The following ARHGAP22 variants were observed in gnomAD, a reference collection of about 807,000 sequenced individuals.
ARHGAP22 encodes rho GTPase-activating protein 22.
Under a neutral mutation model 59.1 loss-of-function variants are expected in ARHGAP22, and 48 were observed. That is an observed-to-expected ratio of 0.81 (90% CI 0.64 to 1.03). The LOEUF (loss-of-function observed/expected upper bound fraction) is 1.03, where lower values mean the gene tolerates loss of function less well. Ranked by LOEUF, ARHGAP22 falls within the 50% of genes least tolerant of loss-of-function variation. ARHGAP22 has a pLI of 0.00. For missense variants in ARHGAP22, 1,015 were observed against 958.7 expected (o/e 1.06, Z -0.78); for synonymous variants, 445 against 416.4 (o/e 1.07, Z -0.84).
chr10:48,654,774 CTTTCTTTCTT>C (rs1312557905), upstream of ARHGAP22, among the ~76,000 whole-genome samples: 67 of 42,748 alleles, frequency 1.6e-3, no homozygotes, highest in African/African-American at 6.4e-3. Flanking sequence ...ATGCTGATTA[CTTTCTTTCTT>C]TCTTTCTTTC....
intron 5 of ARHGAP22, among the ~76,000 whole-genome samples, chr10:48,457,648 C>T (rs12247352): frequency 0.021 from 3,238 of 152,268 alleles, 130 homozygotes; most frequent in African/African-American, 0.074. Context: ...AGCCCAGTGC[C>T]CAGGGGACAC....
At chr10:48,560,444 G>T (rs2057613453) in intron 2 of ARHGAP22, among the ~76,000 whole-genome samples, 1 of 152,020 alleles carries the variant, frequency 6.6e-6, no homozygotes, top group Non-Finnish European at 1.5e-5. Flanking sequence ...AATTATGTTG[G>T]GTATGGATAC....
intron 1 of ARHGAP22, among the ~76,000 whole-genome samples, chr10:48,592,220 TA>T: frequency 6.6e-6 from 1 of 152,150 alleles, no homozygotes; most frequent in Non-Finnish European, 1.5e-5. Context: ...GTCTCACCAC[TA>T]CATTGCCTAG....
At chr10:48,526,708 G>T (rs1180169510) in intron 3 of ARHGAP22, among the ~76,000 whole-genome samples, 1 of 152,186 alleles carries the variant, frequency 6.6e-6, no homozygotes, top group African/African-American at 2.4e-5. Flanking sequence ...ATTGTGGGCC[G>T]CTTGTTTATC....
At chr10:48,575,130 G>A (rs1900023) in intron 2 of ARHGAP22, 61,449 of 152,016 alleles carry the variant, frequency 0.4, 14,192 homozygotes, top group East Asian at 0.89. Flanking sequence ...CTCTGGCCAT[G>A]TGACATGACT....
chr10:48,530,507 G>A (rs2054737260), intron 3 of ARHGAP22, among the ~76,000 whole-genome samples: 2 of 152,152 alleles, frequency 1.3e-5, no homozygotes. Flanking sequence ...GAAAATCTTT[G>A]TGATCTTTAC....
At chr10:48,455,193 G>A in intron 5 of ARHGAP22, 59 bp from the exon 6 acceptor site, 2 of 1,539,774 alleles carry the variant, frequency 1.3e-6, no homozygotes, top group Non-Finnish European at 8.8e-7. Flanking sequence ...CTTCAGGGGT[G>A]ACTGGTACGC....
At chr10:48,531,127 T>TGC (rs2054805422) in intron 3 of ARHGAP22, among the ~76,000 whole-genome samples, 2 of 152,326 alleles carry the variant, frequency 1.3e-5, no homozygotes, top group Admixed American at 1.3e-4. Context: ...TGCAGCAACT[T>TGC]AGATGGGACT....
intron 3 of ARHGAP22, among the ~76,000 whole-genome samples, chr10:48,493,261 C>G (rs2050585998): frequency 6.6e-6 from 1 of 152,216 alleles, no homozygotes; most frequent in African/African-American, 2.4e-5. Context: ...CGGCCTCACC[C>G]TGCCAGATGT....
chr10:48,439,184 A>C, the ARHGAP22 span: 1 of 151,316 alleles, frequency 6.6e-6, no homozygotes. Context: ...CCTTTCCTCT[A>C]GACAAAACAA....
intron 3 of ARHGAP22, among the ~76,000 whole-genome samples, chr10:48,521,017 T>A (rs781046444): frequency 7.2e-5 from 11 of 152,070 alleles, no homozygotes; most frequent in Non-Finnish European, 1.3e-4. Flanking sequence ...CACAGAGCTC[T>A]AAATACAGAT....
At chr10:48,634,876 T>A (rs1000102419) in intron 1 of ARHGAP22, among the ~76,000 whole-genome samples, 1 of 152,122 alleles carries the variant, frequency 6.6e-6, no homozygotes, top group Non-Finnish European at 1.5e-5. Flanking sequence ...CTAGAGTTCT[T>A]ATAAGCAGAG....
intron 1 of ARHGAP22, among the ~76,000 whole-genome samples, chr10:48,613,662 G>A (rs1473276302): frequency 6.7e-6 from 1 of 148,572 alleles, no homozygotes; most frequent in African/African-American, 2.5e-5. Flanking sequence ...ATAGACCACT[G>A]AGAAGAATGT....
At chr10:48,470,466 T>A (rs1731082008) in intron 4 of ARHGAP22, among the ~76,000 whole-genome samples, 1 of 152,190 alleles carries the variant, frequency 6.6e-6, no homozygotes, top group Non-Finnish European at 1.5e-5. Context: ...GTTCTCAGGC[T>A]CCTGGGGCTC....
downstream of ARHGAP22, among the ~76,000 whole-genome samples, chr10:48,441,187 TTTGC>T (rs1376259776): frequency 6.6e-6 from 1 of 152,166 alleles, no homozygotes; most frequent in Non-Finnish European, 1.5e-5. Context: ...GTCTGTGTTG[TTTGC>T]TTGTATGGCC....
In ARHGAP22 at chr10:48,560,789, G is replaced by A. The variant is rs138095416; in HGVS notation, c.235-5239C>T. On this transcript the variant is annotated intron_variant, in intron 2 of 9. Coordinates refer to ENST00000249601, the MANE Select transcript of ARHGAP22 (RefSeq NM_021226.4). ...TTTCTCTTTCTTCATTTATTAATAT[G>A]ATGAATTACATTAATAATTTTCAAA... is the stretch of plus-strand genomic sequence containing the variant. 4.5e-3 allele frequency among the ~76,000 whole-genome samples: 682 copies of A among 152,202 alleles called. 6 individuals are homozygous for A. The highest frequency in any genetic ancestry group is 8.8e-3 in the Admixed American group (135 of 15,298).
the ARHGAP22 span, chr10:48,435,137 T>C: frequency 1.2e-6 from 1 of 868,380 alleles, no homozygotes; most frequent in East Asian, 2.7e-5. Flanking sequence ...TTTCAAAAAA[T>C]GTAGAATTCA....
At chr10:48,652,311 T>C (rs764395321) in exon 1 of ARHGAP22, 1 of 1,534,158 alleles carries the variant, frequency 6.5e-7, no homozygotes, top group South Asian at 1.2e-5. Flanking sequence ...CTGTGCAAAT[T>C]TCTTCTGTAT....
intron 2 of ARHGAP22, among the ~76,000 whole-genome samples, chr10:48,564,379 A>AT (rs1472635081): frequency 6.6e-6 from 1 of 152,214 alleles, no homozygotes; most frequent in African/African-American, 2.4e-5. Flanking sequence ...CAGAAAAATA[A>AT]TTTTAATACA....
Sources: allele counts gnomAD v4.1 joint callset (sites outside exome capture counted in the v4.1 genomes callset), GRCh38; gene constraint gnomAD v4.1.1; transcripts MANE v1.5; gene names NCBI Gene and HGNC (gene_info 2026-07-23, HGNC 2026-07-21).